Variants in CORO7 observed in about 807,000 individuals in gnomAD.
CORO7 encodes the protein coronin-7.
A neutral mutation model predicts 126.6 loss-of-function variants in CORO7; 107 were observed. The observed-to-expected ratio is 0.85, with a 90% CI of 0.72 to 0.99. The LOEUF (loss-of-function observed/expected upper bound fraction) is 0.99. CORO7 is among the 50% of genes least tolerant of loss of function. The pLI is 0.00. For missense variants in CORO7, 1,314 were observed against 1,255.8 expected (o/e 1.05, Z -0.70); for synonymous variants, 603 against 536.8 (o/e 1.12, Z -1.70).
chr16:4,410,268 T>TA (rs1169126133), intron 3 of CORO7, among the ~76,000 whole-genome samples: 1 of 151,748 alleles, frequency 6.6e-6, no homozygotes, highest in African/African-American at 2.4e-5. Context: ...CCACAAAACA[T>TA]AAAAAAATCA....
At position 4,387,802 on chromosome 16, in the gene CORO7, G is replaced by A. The variant is rs148251567; in HGVS notation, c.785+184C>T. 1.3e-4 allele frequency: 93 copies of A among 699,774 alleles called. 1 individual carries two copies. The highest frequency in any genetic ancestry group is 4.1e-4 in the African/African-American group (23 of 56,002). The allele number at this position is 699,774 out of a possible 1,614,324, so 43.3% of individuals were successfully genotyped here. A position where few individuals can be genotyped will look rare whatever the true frequency, so the allele number is the denominator to read the frequency against. Reference sequence around the variant, plus strand: ...AGGGGCACCTGAGCACCTGCTGCTCGTGACATCTGGAAGCTCCGGGGGTAC... The same window carrying A: ...AGGGGCACCTGAGCACCTGCTGCTCATGACATCTGGAAGCTCCGGGGGTAC... On this transcript the variant is annotated intron_variant, in intron 9 of 27. Transcript: ENST00000251166.
At chr16:4,369,740 C>G (rs2054461129) in intron 9 of CORO7, among the ~76,000 whole-genome samples, 1 of 152,176 alleles carries the variant, frequency 6.6e-6, no homozygotes, top group Non-Finnish European at 1.5e-5. Context: ...CCCCTTCCCA[C>G]CAACCCAGAC....
chr16:4,388,678 G>T (rs1329507245), intron 7 of CORO7, 47 bp from the exon 8 acceptor site: 1 of 1,573,554 alleles, frequency 6.4e-7, no homozygotes, highest in South Asian at 1.2e-5. Context: ...CCCTGCTGGT[G>T]GGCGGGGCCC....
At chr16:4,357,347 CTTTCTTTCTTTTT>C in intron 25 of CORO7, 88 bp from the exon 26 acceptor site, 1 of 957,180 alleles carries the variant, frequency 1.0e-6, no homozygotes, top group South Asian at 2.0e-5. Flanking sequence ...TCTTTCTTTT[CTTTCTTTCTTTTT>C]TTTTTTTTTT....
Position 4,362,502 on chromosome 16 carries a change from G to A in CORO7, c.1402+110C>T. 2 of 1,440,722 alleles carry A rather than the reference G, an allele frequency of 1.4e-6. No homozygotes were observed. The highest frequency in any genetic ancestry group is 1.6e-5 in the South Asian group (1 of 63,342). The allele number at this position is 1,440,722 out of a possible 1,614,324, so 89.2% of individuals were successfully genotyped here. A position where few individuals can be genotyped will look rare whatever the true frequency, so the allele number is the denominator to read the frequency against. On this transcript the variant is annotated intron_variant, in intron 15 of 27. Transcript: ENST00000251166. The surrounding 1 kb of genome is among the most constrained non-coding windows in gnomAD (Gnocchi z 5.3). ...CTGCCAGTGAGTCTGGGTGAGGGGG[G>A]TGCCCTGCATGAGGCCTGTGCTCAG...
At chr16:4,385,828 C>T (rs2055176094) in intron 9 of CORO7, among the ~76,000 whole-genome samples, 1 of 152,228 alleles carries the variant, frequency 6.6e-6, no homozygotes, top group African/African-American at 2.4e-5. Flanking sequence ...CGAACCCTGG[C>T]CTCCTCTAGC....
chr16:4,407,092 T>C (rs1163676222), intron 5 of CORO7, among the ~76,000 whole-genome samples: 3 of 151,770 alleles, frequency 2.0e-5, no homozygotes, highest in South Asian at 2.1e-4. Context: ...GGATTACAGG[T>C]GTGTGCCACC....
At chr16:4,387,771 G>C (rs568039673) in intron 9 of CORO7, 35 of 605,014 alleles carry the variant, frequency 5.8e-5, no homozygotes, top group South Asian at 3.6e-4. Flanking sequence ...TGCTACCAGG[G>C]GCCAGAGGGG....
At chr16:4,373,736 C>T (rs1199984831) in intron 9 of CORO7, among the ~76,000 whole-genome samples, 3 of 152,120 alleles carry the variant, frequency 2.0e-5, no homozygotes, top group Non-Finnish European at 4.4e-5. Context: ...ATAAGTGGGT[C>T]CCAACACAAC....
rs1285809030 is a variant in CORO7 at position 4,358,080 on chromosome 16, C to T, written c.2481G>A (p.Val827=). The T allele has an allele frequency of 9.3e-6, 15 of 1,612,494 alleles. No individual in the cohort carries two copies. Among genetic ancestry groups the T allele is most frequent in the Middle Eastern group, 1.6e-4 (1 of 6,082 alleles). The part of the protein sequence containing the change: ...RVRKEFFQDD[V]FPDTAVIWEP... ...CCCAGATCACAGCCGTGTCTGGGAACACGTCATCCTGGAAGAACTCTTTCT... is the reference window on the plus strand; with the variant it reads ...CCCAGATCACAGCCGTGTCTGGGAATACGTCATCCTGGAAGAACTCTTTCT... The change falls in exon 25 of 28, where the codon GTG becomes GTA. Residue 827 remains valine, a synonymous_variant. Coordinates refer to ENST00000251166, the MANE Select transcript of CORO7 (RefSeq NM_024535.5).
chr16:4,396,732 C>A (rs964975163), intron 6 of CORO7, among the ~76,000 whole-genome samples: 1 of 152,032 alleles, frequency 6.6e-6, no homozygotes, highest in Non-Finnish European at 1.5e-5. Context: ...AAAAACACCA[C>A]CAGCCAGGCA....
intron 9 of CORO7, chr16:4,380,790 C>T: frequency 2.2e-6 from 3 of 1,381,242 alleles, no homozygotes; most frequent in Non-Finnish European, 2.9e-6. Context: ...CAGTGAATTC[C>T]CTCTGGCTCT....
At chr16:4,408,617 T>C (rs535042777) in intron 3 of CORO7, among the ~76,000 whole-genome samples, 4 of 152,284 alleles carry the variant, frequency 2.6e-5, no homozygotes, top group East Asian at 1.9e-4. Context: ...AACTAAGAAA[T>C]TGCTTTTTGG....
intron 7 of CORO7, 28 bp from the exon 8 acceptor site, chr16:4,388,659 C>T (rs756205376): frequency 1.8e-5 from 29 of 1,598,338 alleles, no homozygotes; most frequent in African/African-American, 1.1e-4. Context: ...TGGACCTGAG[C>T]CCCCAGGGCC....
At chr16:4,409,180 A>T (rs906587322) in intron 3 of CORO7, among the ~76,000 whole-genome samples, 2 of 152,324 alleles carry the variant, frequency 1.3e-5, no homozygotes, top group Admixed American at 1.3e-4. Flanking sequence ...CTGCCTCCCA[A>T]CAGGGCTGAG....
At chr16:4,410,579 T>G (rs74003302) in intron 3 of CORO7, among the ~76,000 whole-genome samples, 369 of 152,300 alleles carry the variant, frequency 2.4e-3, no homozygotes, top group African/African-American at 8.5e-3. Context: ...AGATCTGAGA[T>G]TAGATGAGAA....
intron 6 of CORO7, among the ~76,000 whole-genome samples, chr16:4,403,521 T>C (rs768346505): frequency 1.3e-5 from 2 of 152,016 alleles, no homozygotes; most frequent in Non-Finnish European, 2.9e-5. Flanking sequence ...ACTTAGGAAA[T>C]GTGTGCTTCT....
At chr16:4,415,954 G>A (rs1371528439) in intron 1 of CORO7, 1 of 924,198 alleles carries the variant, frequency 1.1e-6, no homozygotes, top group East Asian at 1.2e-4. Flanking sequence ...CGAGGGAGGG[G>A]CGCGTGCGGC....
chr16:4,358,205 C>A, intron 24 of CORO7, 102 bp from the exon 25 acceptor site: 1 of 1,541,206 alleles, frequency 6.5e-7, no homozygotes, highest in South Asian at 1.2e-5. Flanking sequence ...ACCCTCCCAC[C>A]AGCCTGGGGC....
Sources: gnomAD v4.1 joint callset for allele counts (sites outside exome capture counted in the v4.1 genomes callset) on GRCh38, gnomAD v4.1.1 for gene constraint, Gnocchi (gnomAD v3.1) non-coding constraint, MANE v1.5 for transcripts, NCBI Gene and HGNC (gene_info 2026-07-23, HGNC 2026-07-21) for gene names.